The following CIRBP variants were observed in gnomAD, a reference collection of about 807,000 sequenced individuals.
CIRBP encodes the protein cold inducible RNA binding protein, also known as cold-inducible RNA-binding protein.
CIRBP carries 11 observed loss-of-function variants against 22.3 expected under a neutral mutation model. That is an observed-to-expected ratio of 0.49 (90% CI 0.31 to 0.82). The LOEUF is 0.82. Among genes scored for constraint, CIRBP ranks in the 40% least tolerant of loss-of-function variants. CIRBP has a pLI of 0.05. For missense variants in CIRBP, 456 were observed against 402.7 expected, an observed-to-expected ratio of 1.13 and a Z score of -1.13; for synonymous variants, 216 against 158.8, an observed-to-expected ratio of 1.36 and a Z score of -2.71.
chr19:1,270,679 A>G (rs1256449638), intron 1 of CIRBP, among the ~76,000 whole-genome samples: 2 of 151,906 alleles, frequency 1.3e-5, no homozygotes, highest in African/African-American at 4.8e-5. Context: ...AGGCTGAGGT[A>G]GGAGGATTGC....
rs1284337856 is a variant in CIRBP at position 1,272,777 on chromosome 19, C to G, written c.*334C>G. On this transcript the variant is annotated 3_prime_UTR_variant, in exon 6 of 6. Transcript: ENST00000587896. ...TTGTTTTAGTTTTTGGTTGCGTTGC[C>G]TTTTTTTTTTTAGTGGGGTTGGCCC... The G allele has an allele frequency of 5.4e-6, 1 of 184,216 alleles. No individual in the cohort carries two copies. The highest frequency in any genetic ancestry group is 2.2e-3 in the Middle Eastern group (1 of 458). 11.4% of individuals were successfully genotyped at this position (184,216 alleles called of 1,614,324 possible). A position where few individuals can be genotyped will look rare whatever the true frequency, so the allele number is the denominator to read the frequency against.
Position 1,272,509 on chromosome 19 carries a change from G to T in CIRBP, c.*66G>T. ...GTTTAAAGATTGTGGGAGCTTCGCT[G>T]AACGTTAATGTGTAGTAAATGCACC... On this transcript the variant is annotated 3_prime_UTR_variant, in exon 6 of 6. Transcript: ENST00000587896. 1 of 1,297,834 alleles carries T rather than the reference G, an allele frequency of 7.7e-7. No individual in the cohort carries two copies. Among genetic ancestry groups the T allele is most frequent in the South Asian group, 1.4e-5 (1 of 70,156 alleles). The allele number at this position is 1,297,834 out of a possible 1,614,324, so 80.4% of individuals were successfully genotyped here. A position where few individuals can be genotyped will look rare whatever the true frequency, so the allele number is the denominator to read the frequency against.
rs2081349569 is a variant in CIRBP, at chr19:1,272,002, C to T, written c.453C>T (p.Tyr151=). Residue 151 remains tyrosine, a synonymous_variant, in exon 6 of 6, where the codon TAC becomes TAT. Coordinates refer to ENST00000587896, the MANE Select transcript of CIRBP (RefSeq NM_001300829.2). ...GCAGCCGGAGTCAGAGTGGTGGCTA[C>T]AGTGACCGGAGCTCGGGCGGGTCCT... is the stretch of plus-strand genomic sequence containing the variant. ...YYSSRSQSGG[Y]SDRSSGGSYR... is the part of the protein sequence containing the mutation. 1.2e-6 allele frequency: 2 copies of T among 1,611,654 alleles called. No individual in the cohort carries two copies. The highest frequency in any genetic ancestry group is 1.3e-5 in the African/African-American group (1 of 75,006).
chr19:1,269,963 T>C (rs550556049), intron 1 of CIRBP: 5 of 519,940 alleles, frequency 9.6e-6, no homozygotes, highest in South Asian at 7.0e-5. Context: ...TTGGTCCAAG[T>C]TGGCACAGCT....
At position 1,270,986 on chromosome 19, in the gene CIRBP, A is replaced by G. The variant is rs1478161953; in HGVS notation, c.53A>G (p.Asn18Ser). Residue 18 changes from asparagine (N) to serine (S), a missense_variant, in exon 2 of 6, where the codon AAT becomes AGT. Transcript: ENST00000587896. ...LFVGGLSFDTNEQSLEQVFSK... is the reference protein window; with the variant it reads ...LFVGGLSFDTSEQSLEQVFSK... ...GTTGGAGGGCTGAGTTTTGACACCA[A>G]TGAGCAGTCGCTGGAGCAGGTCTTC... The G allele has an allele frequency of 3.1e-6, 5 of 1,614,072 alleles. No individual in the cohort carries two copies. Among genetic ancestry groups the G allele is most frequent in the East Asian group, 2.2e-5 (1 of 44,888 alleles).
rs749601640 is a variant in CIRBP, at chr19:1,272,209, C to T, written c.660C>T (p.Arg220=). Residue 220 remains arginine, a synonymous_variant, in exon 6 of 6, where the codon CGC becomes CGT. Coordinates refer to ENST00000587896, the MANE Select transcript of CIRBP (RefSeq NM_001300829.2). ...AHLSSQSHFY[R]RTQKPNETDQ... ...TGTCCTCTCAGAGCCATTTCTATCG[C>T]AGGACGCAAAAGCCAAATGAGACTG... The T allele has an allele frequency of 6.3e-6, 10 of 1,594,074 alleles. No individual in the cohort carries two copies. Among genetic ancestry groups the T allele is most frequent in the Middle Eastern group, 3.3e-4 (2 of 6,042 alleles).
intron 1 of CIRBP, chr19:1,270,130 T>A (rs760275298): frequency 1.9e-6 from 1 of 516,414 alleles, no homozygotes; most frequent in Non-Finnish European, 3.9e-6. Context: ...CCTTATCACT[T>A]CCGGGGCCAT....
rs1268796940 is a variant in CIRBP, at chr19:1,272,078, C to T, written c.529C>T (p.Leu177=). ...YGKSHSEGAT[L]LWPAVGARFT... is the part of the protein sequence containing the mutation. ...TAAGTCACACTCCGAGGGCGCCACG[C>T]TGCTGTGGCCTGCGGTGGGAGCTCG... Residue 177 remains leucine, a synonymous_variant, in exon 6 of 6, where the codon CTG becomes TTG. Coordinates refer to ENST00000587896, the MANE Select transcript of CIRBP (RefSeq NM_001300829.2). The T allele has an allele frequency of 1.9e-6, 3 of 1,614,090 alleles. No homozygotes were observed. The East Asian group carries it at 6.7e-5, about 36-fold the overall frequency.
At position 1,271,222 on chromosome 19, in the gene CIRBP, T is replaced by C; in HGVS notation, c.186T>C (p.Asp62=). The change falls in exon 3 of 6, where the codon GAT becomes GAC. Residue 62 remains aspartate, a synonymous_variant. Coordinates refer to ENST00000587896, the MANE Select transcript of CIRBP (RefSeq NM_001300829.2). ...VTFENIDDAK[D]AMMAMNGKSV... is the part of the protein sequence containing the mutation. ...TTGAGAACATTGACGACGCTAAGGATGCCATGATGGCCATGAATGGGAAGG... is the reference window on the plus strand; with the variant it reads ...TTGAGAACATTGACGACGCTAAGGACGCCATGATGGCCATGAATGGGAAGG... 1 of 1,613,980 alleles carries C rather than the reference T, an allele frequency of 6.2e-7. No individual in the cohort carries two copies. Among genetic ancestry groups the C allele is most frequent in the Non-Finnish European group, 8.5e-7 (1 of 1,180,014 alleles).
chr19:1,271,006 G>C lies in CIRBP; in HGVS notation c.73G>C (p.Val25Leu). The change falls in exon 2 of 6, where the codon GTC becomes CTC. Residue 25 changes from valine to leucine, a missense_variant. This residue lies in a region of CIRBP where 30 missense variants were observed against 63.1 expected (regional missense o/e 0.48). Transcript: ENST00000587896. The stretch of plus-strand genomic sequence containing the variant: ...CACCAATGAGCAGTCGCTGGAGCAG[G>C]TCTTCTCAAAGTACGGACAGATCTC... ...FDTNEQSLEQ[V>L]FSKYGQISEV... 1 of 1,614,046 alleles carries C rather than the reference G, an allele frequency of 6.2e-7. No individual in the cohort carries two copies.
rs11555034 is a variant in CIRBP at position 1,272,447 on chromosome 19, C to T, written c.*4C>T. On this transcript the variant is annotated 3_prime_UTR_variant, in exon 6 of 6. Transcript: ENST00000587896. ...CTCAGCTACACACAACGAGTAAAAA[C>T]CCTTCCTGCTCAAGATCGTCCTTCC... 5.2e-6 allele frequency: 8 copies of T among 1,529,530 alleles called. No individual in the cohort carries two copies. The highest frequency in any genetic ancestry group is 1.4e-5 in the African/African-American group (1 of 71,910). 94.7% of individuals were successfully genotyped at this position (1,529,530 alleles called of 1,614,324 possible).
At position 1,271,544 on chromosome 19, in the gene CIRBP, T is replaced by C. The variant is rs377191342; in HGVS notation, c.350-7T>C. 10 of 1,588,128 alleles carry C rather than the reference T, an allele frequency of 6.3e-6. No individual in the cohort carries two copies. The highest frequency in any genetic ancestry group is 8.6e-6 in the Non-Finnish European group (10 of 1,167,618). ...GAGCTGGTACTCACTTTTTCCTGTA[T>C]GTGCAGGAGGAGGGGACCGAGGCTA... On this transcript the variant is annotated splice_polypyrimidine_tract_variant and splice_region_variant and intron_variant, in intron 4 of 5. Transcript: ENST00000587896.
intron 1 of CIRBP, 161 bp from the exon 2 acceptor site, chr19:1,270,767 C>CA (rs2081325850): frequency 4.7e-6 from 3 of 637,996 alleles, no homozygotes; most frequent in Non-Finnish European, 8.3e-6. Flanking sequence ...CCCCCGACCC[C>CA]AAAAAAATAA....
rs771475161 is a variant in CIRBP, at chr19:1,272,187, C to T, written c.638C>T (p.Ser213Phe). The T allele has an allele frequency of 9.4e-6, 15 of 1,597,288 alleles. No homozygotes were observed. The highest frequency in any genetic ancestry group is 4.0e-5 in the African/African-American group (3 of 74,686). ...GCTTGCCCAGAAGAGGCGCATCTGT[C>T]CTCTCAGAGCCATTTCTATCGCAGG... ...HCACPEEAHL[S>F]SQSHFYRRTQ... Residue 213 changes from serine to phenylalanine, a missense_variant, in exon 6 of 6, where the codon TCC (serine) becomes TTC (phenylalanine). Ser to Phe is a radical substitution (Grantham distance 155). Transcript: ENST00000587896.
At position 1,272,117 on chromosome 19, in the gene CIRBP, C is replaced by G; in HGVS notation, c.568C>G (p.Pro190Ala). The change falls in exon 6 of 6, where the codon CCC becomes GCC. Residue 190 changes from proline to alanine, a missense_variant. Transcript: ENST00000587896. The stretch of plus-strand genomic sequence containing the variant: ...GGTGGGAGCTCGGTTCACCTTGGTG[C>G]CCTCTCCAAGCACTTTAGGCTGGAC... ...PAVGARFTLV[P>A]SPSTLGWTLR... 2.5e-6 allele frequency: 4 copies of G among 1,613,748 alleles called. No individual in the cohort carries two copies. Among genetic ancestry groups the G allele is most frequent in the Non-Finnish European group, 3.4e-6 (4 of 1,179,986 alleles).
In CIRBP at chr19:1,273,411, T is replaced by A. The variant is rs543498474; in HGVS notation, c.*968T>A. The A allele has an allele frequency of 6.6e-6, 1 of 152,658 alleles. No homozygotes were observed. Among genetic ancestry groups the A allele is most frequent in the African/African-American group, 2.4e-5 (1 of 41,530 alleles). The allele number at this position is 152,658 out of a possible 1,614,324, so 9.5% of individuals were successfully genotyped here. ...AGCCCTGGGAGGCTTCTGGCAGTGG[T>A]GGCCAGAGGGCTGGACTGTGCGGGC... On this transcript the variant is annotated 3_prime_UTR_variant, in exon 6 of 6. Transcript: ENST00000587896.
Position 1,271,349 on chromosome 19 carries a change from C to T in CIRBP, c.231C>T (p.Ile77=), listed in dbSNP as rs759952536. 1 of 1,614,024 alleles carries T rather than the reference C, an allele frequency of 6.2e-7. No individual in the cohort carries two copies. Among genetic ancestry groups the T allele is most frequent in the East Asian group, 2.2e-5 (1 of 44,894 alleles). The change falls in exon 4 of 6, where the codon ATC becomes ATT. Residue 77 remains isoleucine (I), a synonymous_variant. Transcript: ENST00000587896. ...TCCAGTCTGTAGATGGACGGCAGAT[C>T]CGAGTAGACCAGGCAGGCAAGTCGT... ...MNGKSVDGRQ[I]RVDQAGKSSD...
chr19:1,270,614 T>C (rs2081323059), intron 1 of CIRBP, among the ~76,000 whole-genome samples: 3 of 151,514 alleles, frequency 2.0e-5, no homozygotes, highest in Admixed American at 2.0e-4. Flanking sequence ...CTAAAACAAA[T>C]TTAAAAAAAT....
In CIRBP at chr19:1,274,294, T is replaced by G. The variant is rs1185111315; in HGVS notation, c.*1851T>G. 2.5e-6 allele frequency: 1 copy of G among 401,232 alleles called. No homozygotes were observed. The highest frequency in any genetic ancestry group is 2.1e-5 in the African/African-American group (1 of 48,688). 24.9% of individuals were successfully genotyped at this position (401,232 alleles called of 1,614,324 possible). On this transcript the variant is annotated 3_prime_UTR_variant, in exon 6 of 6. Coordinates refer to ENST00000587896, the MANE Select transcript of CIRBP (RefSeq NM_001300829.2). The stretch of plus-strand genomic sequence containing the variant: ...TGGAGGACGTTGGGAGTAACGCTGC[T>G]TTGCTTTGGCAGGTTGAAGGGGCCC...
Sources: allele counts gnomAD v4.1 joint callset (sites outside exome capture counted in the v4.1 genomes callset), GRCh38; gene constraint gnomAD v4.1.1; regional missense constraint gnomAD v4.1.1; transcripts MANE v1.5; gene names NCBI Gene and HGNC (gene_info 2026-07-23, HGNC 2026-07-21).